ZNF469: variants seen among roughly 807,000 people sequenced by gnomAD.
ZNF469 encodes the protein zinc finger protein 469.
Under a neutral mutation model 1.0 loss-of-function variants are expected in ZNF469, and 1 was observed. The observed-to-expected ratio is 1.00, with a 90% CI of 0.35 to 4.73. ZNF469 has a LOEUF of 4.73. Ranked by LOEUF, ZNF469 falls within the 30% of genes most tolerant of loss-of-function variation. The pLI, the probability that ZNF469 is intolerant of heterozygous loss-of-function variation, is 0.16. For missense variants in ZNF469, 6,100 were observed against 5,356.3 expected (o/e 1.14, Z -4.33); for synonymous variants, 2,703 against 2,363.4 (o/e 1.14, Z -4.17).
chr16:88,312,055 C>T, the ZNF469 span, among the ~76,000 whole-genome samples: 1 of 152,166 alleles, frequency 6.6e-6, no homozygotes, highest in South Asian at 2.1e-4. Context: ...AGCAAAGGCA[C>T]ATCTTACATG....
At chr16:88,328,967 G>A in the ZNF469 span, among the ~76,000 whole-genome samples, 1 of 152,184 alleles carries the variant, frequency 6.6e-6, no homozygotes, top group Admixed American at 6.5e-5. Context: ...GGCCCTAAAT[G>A]TTCTCCACGG....
the ZNF469 span, among the ~76,000 whole-genome samples, chr16:88,325,498 C>T: frequency 6.6e-6 from 1 of 152,248 alleles, no homozygotes; most frequent in Non-Finnish European, 1.5e-5. Context: ...CAGTGATAGG[C>T]GTGGCCCCAC....
the ZNF469 span, among the ~76,000 whole-genome samples, chr16:88,115,675 C>G: frequency 4.0e-5 from 6 of 150,062 alleles, no homozygotes; most frequent in Non-Finnish European, 8.9e-5. Context: ...TCTGGAGGCT[C>G]TGGGCCCTTC....
the ZNF469 span, among the ~76,000 whole-genome samples, chr16:88,107,242 C>T: frequency 1.3e-5 from 2 of 152,308 alleles, no homozygotes; most frequent in East Asian, 1.9e-4. Context: ...TGCCCAAGAC[C>T]GGGTAATTTA....
chr16:88,165,778 C>T, the ZNF469 span, among the ~76,000 whole-genome samples: 2 of 152,170 alleles, frequency 1.3e-5, no homozygotes, highest in Non-Finnish European at 2.9e-5. Flanking sequence ...CCCCGACTCC[C>T]CGCTTTCCCT....
the ZNF469 span, among the ~76,000 whole-genome samples, chr16:88,297,151 C>T: frequency 3.3e-5 from 5 of 152,244 alleles, no homozygotes; most frequent in Non-Finnish European, 2.9e-5. Flanking sequence ...TCGAAACCTG[C>T]ATTCCGTCCA....
At chr16:88,280,774 G>C in the ZNF469 span, among the ~76,000 whole-genome samples, 1 of 151,226 alleles carries the variant, frequency 6.6e-6, no homozygotes. Context: ...CCTGATGCTT[G>C]GTCAGTCCCA....
At chr16:88,163,910 G>T in the ZNF469 span, among the ~76,000 whole-genome samples, 1 of 151,030 alleles carries the variant, frequency 6.6e-6, no homozygotes, top group Non-Finnish European at 1.5e-5. Flanking sequence ...ATGGATGGAT[G>T]GATGGATGAG....
At chr16:88,409,199 G>A (rs1905083161) in intron 1 of ZNF469, among the ~76,000 whole-genome samples, 1 of 152,258 alleles carries the variant, frequency 6.6e-6, no homozygotes, top group South Asian at 2.1e-4. Flanking sequence ...TCAGCATTCA[G>A]GGAGGGTCAG....
At chr16:88,333,258 G>A in the ZNF469 span, among the ~76,000 whole-genome samples, 1 of 152,062 alleles carries the variant, frequency 6.6e-6, no homozygotes. Flanking sequence ...ACGGCCAGGG[G>A]AGAGAAGGCT....
chr16:88,438,150 T>C lies in ZNF469; in HGVS notation c.10680T>C (p.Ala3560=), dbSNP rs1206320957. Residue 3560 remains alanine (A), a synonymous_variant, in exon 3 of 3, where the codon GCT becomes GCC. Coordinates refer to ENST00000565624, the MANE Select transcript of ZNF469 (RefSeq NM_001367624.2). ...CPPPSLSPFP[A]ALADGRGDCA... is the part of the protein sequence containing the mutation. Reference sequence around the variant, plus strand: ...CGCCGTCTCTGTCTCCCTTCCCAGCTGCCTTGGCTGATGGCAGAGGAGACT... The same window carrying C: ...CGCCGTCTCTGTCTCCCTTCCCAGCCGCCTTGGCTGATGGCAGAGGAGACT... 1 of 1,550,258 alleles carries C rather than the reference T, an allele frequency of 6.5e-7. No individual in the cohort carries two copies.
chr16:88,351,694 C>A, the ZNF469 span, among the ~76,000 whole-genome samples: 1 of 152,074 alleles, frequency 6.6e-6, no homozygotes, highest in African/African-American at 2.4e-5. Flanking sequence ...GAGGCCCCCA[C>A]CCCCACCGCC....
the ZNF469 span, among the ~76,000 whole-genome samples, chr16:88,197,401 A>G: frequency 6.6e-6 from 1 of 152,204 alleles, no homozygotes; most frequent in Non-Finnish European, 1.5e-5. Context: ...TAATATTTCT[A>G]TTCTCAGTGC....
chr16:88,318,855 T>C, the ZNF469 span, among the ~76,000 whole-genome samples: 1 of 152,238 alleles, frequency 6.6e-6, no homozygotes, highest in African/African-American at 2.4e-5. Context: ...CAGACGGCCA[T>C]CATGCAAACA....
rs987299279 is a variant in ZNF469 at position 88,429,143 on chromosome 16, C to T, written c.1673C>T (p.Ala558Val). 1.3e-6 allele frequency: 2 copies of T among 1,549,846 alleles called. No individual in the cohort carries two copies. The highest frequency in any genetic ancestry group is 1.4e-5 in the African/African-American group (1 of 73,012). The change falls in exon 3 of 3, where the codon GCT (alanine) becomes GTT (valine). Residue 558 changes from alanine (A) to valine (V), a missense_variant. Ala to Val is a moderately conservative substitution (Grantham distance 64, BLOSUM62 0). Coordinates refer to ENST00000565624, the MANE Select transcript of ZNF469 (RefSeq NM_001367624.2). ...FTYNGMTDPG[A>V]QPLFFGVAQP... is the part of the protein sequence containing the mutation. ...TACAACGGAATGACAGACCCTGGGG[C>T]TCAGCCCCTGTTCTTCGGGGTGGCC...
chr16:88,153,040 G>A, the ZNF469 span, among the ~76,000 whole-genome samples: 2 of 152,146 alleles, frequency 1.3e-5, no homozygotes, highest in Non-Finnish European at 2.9e-5. Context: ...CTGTATGGGG[G>A]GTGGCGCGAG....
chr16:88,363,865 G>A, the ZNF469 span, among the ~76,000 whole-genome samples: 1 of 152,194 alleles, frequency 6.6e-6, no homozygotes, highest in Non-Finnish European at 1.5e-5. Flanking sequence ...GCAGTTGATA[G>A]TTATTACCTG....
the ZNF469 span, among the ~76,000 whole-genome samples, chr16:88,179,141 T>C: frequency 5.5e-4 from 83 of 152,150 alleles, 1 homozygote; most frequent in Admixed American, 2.1e-3. Context: ...AGTGTAAGCA[T>C]TGCCTGGTGC....
At chr16:88,171,436 C>T in the ZNF469 span, among the ~76,000 whole-genome samples, 1 of 152,250 alleles carries the variant, frequency 6.6e-6, no homozygotes, top group Non-Finnish European at 1.5e-5. Context: ...AGCCCAGGCC[C>T]AGCCTGCCCT....
Sources: allele counts gnomAD v4.1 joint callset (sites outside exome capture counted in the v4.1 genomes callset), GRCh38; gene constraint gnomAD v4.1.1; transcripts MANE v1.5; gene names NCBI Gene and HGNC (gene_info 2026-07-23, HGNC 2026-07-21).